HHIP: variants seen among roughly 807,000 people sequenced by gnomAD.
HHIP encodes hedgehog-interacting protein.
Under a neutral mutation model 74.0 loss-of-function variants are expected in HHIP, and 12 were observed. The observed-to-expected ratio is 0.16, with a 90% CI of 0.10 to 0.26. The LOEUF (loss-of-function observed/expected upper bound fraction) is 0.26, where lower values mean the gene tolerates loss of function less well. Ranked by LOEUF, HHIP falls within the 10% of genes least tolerant of loss-of-function variation. The probability of loss-of-function intolerance (pLI) is 1.00; values close to 1 mark genes in which losing one functional copy is unlikely to be tolerated. For synonymous variants in HHIP, 309 were observed against 311.6 expected (o/e 0.99, Z 0.09); for missense variants, 788 against 845.0 (o/e 0.93, Z 0.84).
chr4:144,660,757 G>A (rs1036168740), intron 4 of HHIP, among the ~76,000 whole-genome samples: 4 of 152,114 alleles, frequency 2.6e-5, no homozygotes, highest in Non-Finnish European at 5.9e-5. Flanking sequence ...TCGTGTGAGA[G>A]TTAAGATGAC....
chr4:144,689,916 C>A (rs1481306908), intron 4 of HHIP, among the ~76,000 whole-genome samples: 1 of 152,160 alleles, frequency 6.6e-6, no homozygotes, highest in African/African-American at 2.4e-5. Context: ...TTAAGCAATT[C>A]TCCTGCCTCA....
At chr4:144,686,764 G>C (rs1729498496) in intron 4 of HHIP, among the ~76,000 whole-genome samples, 1 of 152,190 alleles carries the variant, frequency 6.6e-6, no homozygotes, top group Non-Finnish European at 1.5e-5. Context: ...GAATGAGAAT[G>C]TAGAGCCATT....
intron 12 of HHIP, among the ~76,000 whole-genome samples, chr4:144,737,071 T>TA (rs1731140804): frequency 6.6e-6 from 1 of 152,236 alleles, no homozygotes; most frequent in Non-Finnish European, 1.5e-5. Flanking sequence ...TATATCTTCT[T>TA]ATTTCCCATT....
chr4:144,670,614 ATC>A (rs1196370615), intron 4 of HHIP, among the ~76,000 whole-genome samples: 3 of 151,534 alleles, frequency 2.0e-5, no homozygotes, highest in Non-Finnish European at 2.9e-5. Context: ...ATAAAATGGC[ATC>A]TGTCCTCAGG....
chr4:144,731,051 A>G (rs1649346783), intron 11 of HHIP, among the ~76,000 whole-genome samples: 1 of 152,188 alleles, frequency 6.6e-6, no homozygotes, highest in African/African-American at 2.4e-5. Context: ...GTATAACTGT[A>G]CCTTGGAAAA....
intron 2 of HHIP, among the ~76,000 whole-genome samples, chr4:144,658,386 T>TTTA (rs1728606427): frequency 6.6e-6 from 1 of 151,786 alleles, no homozygotes. Flanking sequence ...TATTTATTTT[T>TTTA]TCAGAAGGTG....
chr4:144,682,582 A>G (rs1197951238), intron 4 of HHIP, among the ~76,000 whole-genome samples: 1 of 152,248 alleles, frequency 6.6e-6, no homozygotes, highest in Non-Finnish European at 1.5e-5. Flanking sequence ...CTTCTCATTG[A>G]TATTTCAATC....
intron 12 of HHIP, among the ~76,000 whole-genome samples, chr4:144,736,290 C>T (rs1007521753): frequency 2.0e-5 from 3 of 152,016 alleles, no homozygotes; most frequent in African/African-American, 7.2e-5. Flanking sequence ...CGCCCACCAC[C>T]ATGCCCTCCT....
At chr4:144,716,024 A>T (rs1730436716) in intron 10 of HHIP, among the ~76,000 whole-genome samples, 1 of 152,336 alleles carries the variant, frequency 6.6e-6, no homozygotes, top group Admixed American at 6.5e-5. Flanking sequence ...ATGCAGCTTA[A>T]AAAGCAAAAA....
intron 4 of HHIP, among the ~76,000 whole-genome samples, chr4:144,700,057 T>C (rs1303560907): frequency 1.3e-5 from 2 of 152,234 alleles, no homozygotes; most frequent in Non-Finnish European, 2.9e-5. Context: ...GGAATCTCGT[T>C]TGACTAACTT....
chr4:144,739,907 G>C lies in HHIP; in HGVS notation c.*1950G>C, dbSNP rs1005440382. The C allele has an allele frequency of 1.3e-5, 2 of 152,052 alleles. No individual in the cohort carries two copies. Among genetic ancestry groups the C allele is most frequent in the African/African-American group, 2.4e-5 (1 of 41,404 alleles). 9.4% of individuals were successfully genotyped at this position (152,052 alleles called of 1,614,324 possible). A position where few individuals can be genotyped will look rare whatever the true frequency, so the allele number is the denominator to read the frequency against. ...AACCATGCAGTAGCCTGCATCTGTA[G>C]GTTAATAGCAATCTTTTGTCTCCAT... On this transcript the variant is annotated 3_prime_UTR_variant, in exon 13 of 13. Coordinates refer to ENST00000296575, the MANE Select transcript of HHIP (RefSeq NM_022475.3).
intron 2 of HHIP, among the ~76,000 whole-genome samples, chr4:144,658,372 T>C (rs576070095): frequency 1.1e-3 from 171 of 151,808 alleles, no homozygotes; most frequent in Middle Eastern, 3.4e-3. Flanking sequence ...TTTATTTATT[T>C]ATTTATTTAT....
intron 1 of HHIP, 26 bp from the exon 2 acceptor site, chr4:144,652,579 G>A: frequency 1.3e-6 from 2 of 1,490,562 alleles, no homozygotes; most frequent in Non-Finnish European, 9.2e-7. Flanking sequence ...ACTAAAAAAA[G>A]TTTGCTTCTG....
intron 4 of HHIP, 34 bp downstream of exon 4, chr4:144,659,872 G>T (rs768167011): frequency 1.3e-6 from 2 of 1,495,400 alleles, no homozygotes; most frequent in Admixed American, 1.7e-5. Context: ...TTTTTGTGCT[G>T]GCTACGTTAA....
chr4:144,718,522 T>C (rs1004227513), intron 10 of HHIP, among the ~76,000 whole-genome samples: 3 of 152,210 alleles, frequency 2.0e-5, no homozygotes, highest in Non-Finnish European at 2.9e-5. Context: ...TGATCCAACG[T>C]ACATGATCTA....
chr4:144,655,505 G>A (rs925849458), intron 2 of HHIP, among the ~76,000 whole-genome samples: 22 of 152,094 alleles, frequency 1.4e-4, no homozygotes, highest in Non-Finnish European at 2.8e-4. Flanking sequence ...TTATTGTAGT[G>A]TGAAATGTCT....
chr4:144,742,793 G>A lies in HHIP; in HGVS notation c.*4836G>A, dbSNP rs1410929627. On this transcript the variant is annotated 3_prime_UTR_variant, in exon 13 of 13. Transcript: ENST00000296575. The stretch of plus-strand genomic sequence containing the variant: ...TCTTTTTGTCACACAAACATAAATT[G>A]GTCATATATATATTTATATATATGG... 7.0e-6 allele frequency: 1 copy of A among 142,080 alleles called. No homozygotes were observed. The highest frequency in any genetic ancestry group is 1.5e-5 in the Non-Finnish European group (1 of 65,828). 8.8% of individuals were successfully genotyped at this position (142,080 alleles called of 1,614,324 possible).
chr4:144,710,984 G>A (rs1173416948), intron 7 of HHIP, among the ~76,000 whole-genome samples: 1 of 152,056 alleles, frequency 6.6e-6, no homozygotes, highest in Non-Finnish European at 1.5e-5. Context: ...CACAAACCTT[G>A]AACCCCTCTT....
At chr4:144,664,525 T>A (rs967421080) in intron 4 of HHIP, among the ~76,000 whole-genome samples, 1 of 152,246 alleles carries the variant, frequency 6.6e-6, no homozygotes, top group Non-Finnish European at 1.5e-5. Context: ...AGGCAACCCA[T>A]GAAGCGTTAG....
Sources: allele counts gnomAD v4.1 joint callset (sites outside exome capture counted in the v4.1 genomes callset), GRCh38; gene constraint gnomAD v4.1.1; transcripts MANE v1.5; gene names NCBI Gene and HGNC (gene_info 2026-07-23, HGNC 2026-07-21).